Variants in TDRD9 observed in about 807,000 individuals in gnomAD.
The protein encoded by TDRD9 is ATP-dependent RNA helicase TDRD9.
Under a neutral mutation model 172.6 loss-of-function variants are expected in TDRD9, and 124 were observed. The observed-to-expected ratio is 0.72, with a 90% CI of 0.62 to 0.83. TDRD9 has a LOEUF of 0.83. Ranked by LOEUF, TDRD9 falls within the 40% of genes least tolerant of loss-of-function variation. TDRD9 has a pLI of 0.00. For missense variants in TDRD9, 1,479 were observed against 1,714.1 expected (o/e 0.86, Z 2.42); for synonymous variants, 619 against 617.1 (o/e 1.00, Z -0.05).
At chr14:104,018,853 T>C (rs1055914201) in intron 23 of TDRD9, among the ~76,000 whole-genome samples, 3 of 152,232 alleles carry the variant, frequency 2.0e-5, no homozygotes, top group Admixed American at 6.5e-5. Flanking sequence ...ACAAACACTT[T>C]TTCTTTAATG....
chr14:104,024,846 A>G (rs555767882), intron 25 of TDRD9, among the ~76,000 whole-genome samples, 166 bp downstream of exon 25: 2 of 152,120 alleles, frequency 1.3e-5, no homozygotes, highest in South Asian at 2.1e-4. Context: ...TTATCACTCT[A>G]CTTGTTAAAT....
intron 24 of TDRD9, among the ~76,000 whole-genome samples, chr14:104,023,255 A>G (rs1010026114): frequency 2.7e-5 from 4 of 150,066 alleles, no homozygotes; most frequent in Non-Finnish European, 5.9e-5. Context: ...ATTGAGTGAT[A>G]TCATTGATGT....
At chr14:103,950,389 C>T (rs762946983) in intron 1 of TDRD9, among the ~76,000 whole-genome samples, 4 of 152,326 alleles carry the variant, frequency 2.6e-5, no homozygotes, top group African/African-American at 7.2e-5. Context: ...CGCATACGGC[C>T]GGTTTCTATT....
rs1007284597 is a variant in TDRD9, at chr14:104,007,215, C to T, written c.2052+11C>T. Reference sequence around the variant, plus strand: ...CTGCGGTACCCGAAGGTTGGTGAGCCCTTTCCTGCTGCTTTCTAGATGGCT... The same window carrying T: ...CTGCGGTACCCGAAGGTTGGTGAGCTCTTTCCTGCTGCTTTCTAGATGGCT... On this transcript the variant is annotated intron_variant, in intron 19 of 35. Transcript: ENST00000409874. 1.9e-6 allele frequency: 3 copies of T among 1,613,256 alleles called. No individual in the cohort carries two copies. In the African/African-American group the frequency reaches 4.0e-5, roughly 22 times the overall value.
At chr14:103,996,022 G>C (rs2152204827) in intron 12 of TDRD9, among the ~76,000 whole-genome samples, 1 of 152,288 alleles carries the variant, frequency 6.6e-6, no homozygotes, top group Middle Eastern at 3.4e-3. Flanking sequence ...GGGCAAGCTG[G>C]CTCGTCGGAA....
At chr14:103,986,435 G>A in intron 8 of TDRD9, 115 bp downstream of exon 8, 1 of 686,538 alleles carries the variant, frequency 1.5e-6, no homozygotes, top group South Asian at 2.0e-5. Flanking sequence ...TACTTTTTTA[G>A]TAGTTACTGT....
rs140834333 is a variant in TDRD9, at chr14:104,008,298, G to C, written c.2053-115G>C. On this transcript the variant is annotated intron_variant, in intron 19 of 35. Transcript: ENST00000409874. ...GGGAGTGCCACTGTCAACTTGAGTA[G>C]CTCAGTAATTTACATTCATCATTAA... 8,031 of 663,946 alleles carry C rather than the reference G, an allele frequency of 0.012. 487 individuals are homozygous for C. The Admixed American group carries it at 0.14, about 12-fold the overall frequency. 41.1% of individuals were successfully genotyped at this position (663,946 alleles called of 1,614,324 possible).
chr14:103,932,016 T>A (rs1318081358), intron 1 of TDRD9, among the ~76,000 whole-genome samples: 1 of 152,212 alleles, frequency 6.6e-6, no homozygotes, highest in Non-Finnish European at 1.5e-5. Flanking sequence ...GGACTGATCC[T>A]ACAATTGCAA....
At chr14:104,017,031 CATT>C (rs2034813411) in intron 22 of TDRD9, among the ~76,000 whole-genome samples, 1 of 152,068 alleles carries the variant, frequency 6.6e-6, no homozygotes, top group Non-Finnish European at 1.5e-5. Flanking sequence ...AAAAGGAAGT[CATT>C]AGTTTTTTAT....
chr14:103,991,057 G>A, intron 8 of TDRD9, 103 bp from the exon 9 acceptor site: 1 of 1,377,658 alleles, frequency 7.3e-7, no homozygotes, highest in South Asian at 1.3e-5. Flanking sequence ...TGGATGACCT[G>A]TAAGAGCCTT....
intron 2 of TDRD9, among the ~76,000 whole-genome samples, chr14:103,958,727 G>T (rs1222350159): frequency 6.6e-6 from 1 of 152,200 alleles, no homozygotes; most frequent in Non-Finnish European, 1.5e-5. Context: ...AGAGCCTCCG[G>T]AAGGATCCAG....
At chr14:103,993,361 G>T (rs1412934486) in intron 9 of TDRD9, among the ~76,000 whole-genome samples, 1 of 152,058 alleles carries the variant, frequency 6.6e-6, no homozygotes, top group Non-Finnish European at 1.5e-5. Flanking sequence ...TACATTTAGG[G>T]TTACTGTCCT....
Position 103,966,786 on chromosome 14 carries a change from T to G in TDRD9, c.720T>G (p.Val240=). The G allele has an allele frequency of 6.4e-7, 1 of 1,551,272 alleles. No homozygotes were observed. The highest frequency in any genetic ancestry group is 1.2e-5 in the South Asian group (1 of 84,024). The change falls in exon 5 of 36, where the codon GTT becomes GTG. Residue 240 remains valine (V), a synonymous_variant. Transcript: ENST00000409874. ...CTGGAGTCCTGCTTCAGAAAATAGT[T>G]AGTGCCAAGAGTTTGATGGAATTCA... is the stretch of plus-strand genomic sequence containing the variant. ...MTTGVLLQKI[V]SAKSLMEFTH...
intron 1 of TDRD9, among the ~76,000 whole-genome samples, chr14:103,949,025 G>A (rs1016353681): frequency 1.3e-5 from 2 of 152,142 alleles, no homozygotes; most frequent in African/African-American, 4.8e-5. Context: ...GAGGGAAATG[G>A]GGAGTTATTG....
chr14:104,023,854 G>T (rs2035036419), intron 24 of TDRD9, among the ~76,000 whole-genome samples: 1 of 152,168 alleles, frequency 6.6e-6, no homozygotes, highest in African/African-American at 2.4e-5. Context: ...GGCCTGTCCT[G>T]CTCTAGTGAG....
At chr14:103,940,764 A>G in intron 1 of TDRD9, 1 of 1,281,080 alleles carries the variant, frequency 7.8e-7, no homozygotes, top group Non-Finnish European at 1.1e-6. Flanking sequence ...TAATATTAGG[A>G]GTTCTAAGGT....
chr14:103,989,023 C>A (rs543782241), intron 8 of TDRD9, among the ~76,000 whole-genome samples: 52 of 152,206 alleles, frequency 3.4e-4, no homozygotes, highest in African/African-American at 1.1e-3. Flanking sequence ...CACAAAAAAA[C>A]TTCCTTTAGT....
chr14:104,026,750 C>T lies in TDRD9; in HGVS notation c.3093C>T (p.Asp1031=), dbSNP rs748316028. ...KSLVCGKHWS[D]GASQWFASLV... ...TTGTTTGTGGCAAGCACTGGAGTGA[C>T]GGGGCCAGCCAGTGGTTCGCCTCTC... Residue 1031 remains aspartate, a synonymous_variant, in exon 28 of 36, where the codon GAC becomes GAT. Coordinates refer to ENST00000409874, the MANE Select transcript of TDRD9 (RefSeq NM_153046.3). 1.3e-5 allele frequency: 21 copies of T among 1,613,808 alleles called. No individual in the cohort carries two copies. The highest frequency in any genetic ancestry group is 4.0e-5 in the African/African-American group (3 of 74,904).
chr14:104,035,015 G>C lies in TDRD9; in HGVS notation c.3675G>C (p.Pro1225=), dbSNP rs573920915. ...TGATGCCTCATATCCCTGGCCTCCC[G>C]GCTCTCCTCAGCATGTTATTCGCAC... is the stretch of plus-strand genomic sequence containing the variant. ...TSLMPHIPGL[P]ALLSMLFAPV... The change falls in exon 32 of 36, where the codon CCG becomes CCC. Residue 1225 remains proline (P), a synonymous_variant. Transcript: ENST00000409874. 16 of 1,551,768 alleles carry C rather than the reference G, an allele frequency of 1.0e-5. No homozygotes were observed. The highest frequency in any genetic ancestry group is 1.4e-5 in the Non-Finnish European group (16 of 1,146,994).
Sources: gnomAD v4.1 joint callset for allele counts (sites outside exome capture counted in the v4.1 genomes callset) on GRCh38, gnomAD v4.1.1 for gene constraint, MANE v1.5 for transcripts, NCBI Gene and HGNC (gene_info 2026-07-23, HGNC 2026-07-21) for gene names.